RAB4A: variants seen among roughly 807,000 people sequenced by gnomAD.
The protein encoded by RAB4A is ras-related protein Rab-4A.
A neutral mutation model predicts 34.5 loss-of-function variants in RAB4A; 20 were observed. The ratio of observed to expected loss-of-function variants is 0.58; its 90% CI spans 0.41 to 0.84. The LOEUF (loss-of-function observed/expected upper bound fraction) is 0.84. Among genes scored for constraint, RAB4A ranks in the 40% least tolerant of loss-of-function variants. RAB4A has a pLI of 0.00. For synonymous variants in RAB4A, 102 were observed against 100.0 expected (o/e 1.02, Z -0.12); for missense variants, 228 against 274.5 (o/e 0.83, Z 1.20).
Position 229,297,485 on chromosome 1 carries a change from A to G in RAB4A, c.294A>G (p.Arg98=). ...GALLVYDITS[R]ETYNALTNWL... ...TTCACAATCTTATATTACGCAGCCG[A>G]GAAACCTACAATGCGCTTACTAATT... Residue 98 remains arginine (R), a synonymous_variant, in exon 5 of 8, where the codon CGA becomes CGG. Coordinates refer to ENST00000366690, the MANE Select transcript of RAB4A (RefSeq NM_004578.4). 1 of 1,590,984 alleles carries G rather than the reference A, an allele frequency of 6.3e-7. No homozygotes were observed.
In RAB4A at chr1:229,295,896, CTA is replaced by C. The variant is rs760656204; in HGVS notation, c.278_279del (p.Tyr93Ter). ...GAGGCGCGGCCGGGGCTCTCCTCGTCTATGATATCACCAGGTAATGCCAGCTC... is the reference window on the plus strand; with the variant it reads ...GAGGCGCGGCCGGGGCTCTCCTCGTCTGATATCACCAGGTAATGCCAGCTC... ...YRGAAGALLVYDITSRETYNA... is the reference protein window; with the variant it reads ...YRGAAGALLVXDITSRETYNA... On this transcript the variant is annotated frameshift_variant, in exon 4 of 8. Coordinates refer to ENST00000366690, the MANE Select transcript of RAB4A (RefSeq NM_004578.4). LOFTEE classifies it high-confidence loss of function. The C allele has an allele frequency of 6.2e-7, 1 of 1,614,088 alleles. No individual in the cohort carries two copies. Among genetic ancestry groups the C allele is most frequent in the Non-Finnish European group, 8.5e-7 (1 of 1,180,010 alleles).
Position 229,286,583 on chromosome 1 carries a change from T to G in RAB4A, c.112+17T>G. 2.7e-6 allele frequency: 4 copies of G among 1,482,264 alleles called. No individual in the cohort carries two copies. The highest frequency in any genetic ancestry group is 3.7e-6 in the Non-Finnish European group (4 of 1,084,426). The allele number at this position is 1,482,264 out of a possible 1,614,324, so 91.8% of individuals were successfully genotyped here. ...AAAAAAAATGTAAGTGTCATGAAATTAGTCATTCTTCCGTGCATGTCTTCT... is the reference window on the plus strand; with the variant it reads ...AAAAAAAATGTAAGTGTCATGAAATGAGTCATTCTTCCGTGCATGTCTTCT... On this transcript the variant is annotated intron_variant, in intron 2 of 7. Transcript: ENST00000366690.
rs2102683446 is a variant in RAB4A, at chr1:229,305,600, T to C, written c.*1807T>C. 1 of 207,044 alleles carries C rather than the reference T, an allele frequency of 4.8e-6. No homozygotes were observed. The highest frequency in any genetic ancestry group is 1.7e-3 in the Middle Eastern group (1 of 594). 12.8% of individuals were successfully genotyped at this position (207,044 alleles called of 1,614,324 possible). On this transcript the variant is annotated 3_prime_UTR_variant, in exon 8 of 8. Transcript: ENST00000366690. ...GCTAGTAATAAATGTCATGTTTCTA[T>C]TTCCCGCAACTCATTAAGTTTTCAG...
intron 1 of RAB4A, among the ~76,000 whole-genome samples, chr1:229,282,890 C>T (rs1656811160): frequency 6.6e-6 from 1 of 152,154 alleles, no homozygotes; most frequent in African/African-American, 2.4e-5. Context: ...ATGATGACTG[C>T]TTTAAAATCT....
intron 1 of RAB4A, among the ~76,000 whole-genome samples, chr1:229,280,165 G>A (rs1423673121): frequency 1.3e-5 from 2 of 152,122 alleles, no homozygotes; most frequent in South Asian, 2.1e-4. Context: ...CATAAAACTA[G>A]TACAGATTCT....
At position 229,271,169 on chromosome 1, in the gene RAB4A, G is replaced by C; in HGVS notation, c.-171G>C. On this transcript the variant is annotated 5_prime_UTR_variant, in exon 1 of 8. Transcript: ENST00000366690. ...GTGGAGGGCCCTGCGCCTGCGCGGAGCTGGAGTCCGGCTGGGCCGCAGCCG... is the reference window on the plus strand; with the variant it reads ...GTGGAGGGCCCTGCGCCTGCGCGGACCTGGAGTCCGGCTGGGCCGCAGCCG... 3.7e-6 allele frequency: 2 copies of C among 534,154 alleles called. No individual in the cohort carries two copies. The highest frequency in any genetic ancestry group is 2.8e-6 in the Non-Finnish European group (1 of 357,950). 33.1% of individuals were successfully genotyped at this position (534,154 alleles called of 1,614,324 possible).
intron 1 of RAB4A, among the ~76,000 whole-genome samples, chr1:229,274,492 C>T (rs1008223924): frequency 2.0e-5 from 3 of 152,150 alleles, no homozygotes; most frequent in Non-Finnish European, 4.4e-5. Flanking sequence ...TTGAAGTCAC[C>T]ACATGAATAC....
rs1657503678 is a variant in RAB4A, at chr1:229,304,737, A to C, written c.*944A>C. The C allele has an allele frequency of 6.6e-6, 1 of 152,636 alleles. No individual in the cohort carries two copies. Among genetic ancestry groups the C allele is most frequent in the African/African-American group, 2.4e-5 (1 of 41,494 alleles). The allele number at this position is 152,636 out of a possible 1,614,324, so 9.5% of individuals were successfully genotyped here. On this transcript the variant is annotated 3_prime_UTR_variant, in exon 8 of 8. Coordinates refer to ENST00000366690, the MANE Select transcript of RAB4A (RefSeq NM_004578.4). ...TTTCCTGTTCATTTTAAGGAAACCT[A>C]CTAAATCCAGTTAATATTAAATGGA...
intron 1 of RAB4A, among the ~76,000 whole-genome samples, chr1:229,275,068 T>C (rs1224292352): frequency 6.6e-6 from 1 of 152,222 alleles, no homozygotes; most frequent in Non-Finnish European, 1.5e-5. Flanking sequence ...TTGAATTGTG[T>C]TCCCCAAAAT....
intron 7 of RAB4A, among the ~76,000 whole-genome samples, 172 bp downstream of exon 7, chr1:229,303,161 C>A (rs1268118087): frequency 1.3e-5 from 2 of 151,948 alleles, no homozygotes; most frequent in Non-Finnish European, 2.9e-5. Flanking sequence ...TTCAGGAGTT[C>A]GAGACCAGCC....
Position 229,275,905 on chromosome 1 carries a change from C to T in RAB4A, c.31+4535C>T, listed in dbSNP as rs756387749. ...CCTCCCAGAGTGCTGGGTTTACAGG[C>T]GTGAGCCACCGTGCCCGTGTATAAA... is the stretch of plus-strand genomic sequence containing the variant. On this transcript the variant is annotated intron_variant, in intron 1 of 7. Coordinates refer to ENST00000366690, the MANE Select transcript of RAB4A (RefSeq NM_004578.4). Among the ~76,000 whole-genome samples, 4 of 151,054 alleles carry T rather than the reference C, an allele frequency of 2.6e-5. No homozygotes were observed. In the South Asian group the frequency reaches 6.2e-4, roughly 24 times the overall value.
At chr1:229,293,429 C>T (rs1452624619) in intron 3 of RAB4A, among the ~76,000 whole-genome samples, 3 of 152,278 alleles carry the variant, frequency 2.0e-5, no homozygotes, top group Admixed American at 6.5e-5. Context: ...TAGCCTGCTA[C>T]TCTTCCCACA....
intron 2 of RAB4A, among the ~76,000 whole-genome samples, chr1:229,287,953 A>G (rs1656969360): frequency 6.6e-6 from 1 of 152,248 alleles, no homozygotes; most frequent in South Asian, 2.1e-4. Flanking sequence ...ATGTTCTTTC[A>G]TAGGCAGTGT....
Position 229,304,551 on chromosome 1 carries a change from C to T in RAB4A, c.*758C>T, listed in dbSNP as rs890085237. The T allele has an allele frequency of 6.6e-6, 1 of 152,194 alleles. No individual in the cohort carries two copies. The highest frequency in any genetic ancestry group is 2.4e-5 in the African/African-American group (1 of 41,438). The allele number at this position is 152,194 out of a possible 1,614,324, so 9.4% of individuals were successfully genotyped here. A position where few individuals can be genotyped will look rare whatever the true frequency, so the allele number is the denominator to read the frequency against. On this transcript the variant is annotated 3_prime_UTR_variant, in exon 8 of 8. Transcript: ENST00000366690. ...ACCTTTACCCAAACCTACTGGGCTA[C>T]TAATACTTCTCTCAGCAGTTGATCA... is the stretch of plus-strand genomic sequence containing the variant.
intron 1 of RAB4A, among the ~76,000 whole-genome samples, chr1:229,272,758 G>A (rs1423391686): frequency 6.6e-6 from 1 of 152,152 alleles, no homozygotes; most frequent in African/African-American, 2.4e-5. Context: ...GAAAAAATGG[G>A]AACTTTTGGA....
intron 3 of RAB4A, among the ~76,000 whole-genome samples, chr1:229,290,952 A>G (rs909261658): frequency 3.9e-5 from 6 of 152,228 alleles, no homozygotes; most frequent in African/African-American, 1.4e-4. Context: ...CCTAAAATCA[A>G]ACATAGTAAG....
At chr1:229,301,341 G>T (rs558580839) in intron 6 of RAB4A, among the ~76,000 whole-genome samples, 25 of 152,172 alleles carry the variant, frequency 1.6e-4, no homozygotes, top group African/African-American at 6.0e-4. Flanking sequence ...AGGGTGCTAG[G>T]TGAAGTAGGA....
chr1:229,297,492 T>A lies in RAB4A; in HGVS notation c.301T>A (p.Tyr101Asn). Residue 101 changes from tyrosine to asparagine, a missense_variant, in exon 5 of 8, where the codon TAC becomes AAC. Tyr to Asn is a moderately radical substitution (Grantham distance 143, BLOSUM62 -2). Transcript: ENST00000366690. ...LVYDITSRET[Y>N]NALTNWLTDA... ...TCTTATATTACGCAGCCGAGAAACC[T>A]ACAATGCGCTTACTAATTGGTTAAC... 6.3e-7 allele frequency: 1 copy of A among 1,596,292 alleles called. No homozygotes were observed. The highest frequency in any genetic ancestry group is 8.5e-7 in the Non-Finnish European group (1 of 1,175,498).
At chr1:229,297,402 T>G (rs1451396055) in intron 4 of RAB4A, 80 bp from the exon 5 acceptor site, 1 of 1,401,110 alleles carries the variant, frequency 7.1e-7, no homozygotes, top group Non-Finnish European at 9.6e-7. Flanking sequence ...TGAAAAGCGG[T>G]ATGAGTAGTG....
Sources: allele counts gnomAD v4.1 joint callset (sites outside exome capture counted in the v4.1 genomes callset), GRCh38; gene constraint gnomAD v4.1.1; transcripts MANE v1.5; gene names NCBI Gene and HGNC (gene_info 2026-07-23, HGNC 2026-07-21).